KALRN: variants seen among roughly 807,000 people sequenced by gnomAD.
The protein encoded by KALRN is kalirin.
A neutral mutation model predicts 353.7 loss-of-function variants in KALRN; 70 were observed. The observed-to-expected ratio is 0.20, with a 90% CI of 0.16 to 0.24. The LOEUF (loss-of-function observed/expected upper bound fraction) is 0.24. Ranked by LOEUF, KALRN falls within the 10% of genes least tolerant of loss-of-function variation. KALRN has a pLI of 1.00. For missense variants in KALRN, 2,791 were observed against 3,756.7 expected, an observed-to-expected ratio of 0.74 and a Z score of 6.72; for synonymous variants, 1,391 against 1,434.8, an observed-to-expected ratio of 0.97 and a Z score of 0.69.
intron 15 of KALRN, among the ~76,000 whole-genome samples, chr3:124,425,605 A>C (rs2092977876): frequency 6.6e-6 from 1 of 152,178 alleles, no homozygotes; most frequent in South Asian, 2.1e-4. Context: ...GGTGGCAGGA[A>C]TGACCATCTG....
At chr3:124,446,742 A>G in intron 20 of KALRN, 21 bp from the exon 21 acceptor site, 1 of 1,613,630 alleles carries the variant, frequency 6.2e-7, no homozygotes, top group Non-Finnish European at 8.5e-7. Context: ...TGGGGACTGG[A>G]TGAGTTGTTT....
chr3:124,537,954 G>T (rs1046510716), intron 33 of KALRN, among the ~76,000 whole-genome samples: 2 of 152,204 alleles, frequency 1.3e-5, no homozygotes, highest in African/African-American at 4.8e-5. Context: ...AAAGGGTTTA[G>T]AAGAGGATAA....
intron 32 of KALRN, among the ~76,000 whole-genome samples, chr3:124,495,959 A>G (rs199503272): frequency 0.065 from 2,115 of 32,604 alleles, 128 homozygotes; most frequent in Non-Finnish European, 0.081. Context: ...GTGTATGTGT[A>G]TGTATGTATA....
chr3:124,545,731 C>T (rs2069558175), intron 33 of KALRN, among the ~76,000 whole-genome samples: 3 of 152,300 alleles, frequency 2.0e-5, no homozygotes, highest in South Asian at 4.1e-4. Context: ...TCAGCGTCCC[C>T]ATTAAGGAAG....
At chr3:124,239,528 A>G (rs974088820) in intron 3 of KALRN, among the ~76,000 whole-genome samples, 1 of 152,228 alleles carries the variant, frequency 6.6e-6, no homozygotes, top group Non-Finnish European at 1.5e-5. Context: ...GTGAGGAAAG[A>G]TAACAAGAAA....
chr3:124,461,744 A>G, intron 23 of KALRN, 146 bp from the exon 24 acceptor site: 2 of 623,192 alleles, frequency 3.2e-6, no homozygotes, highest in Non-Finnish European at 5.7e-6. Flanking sequence ...AAGGGAAGGA[A>G]TTTTGAAGAA....
At chr3:124,206,430 A>G (rs1822792) in intron 1 of KALRN, among the ~76,000 whole-genome samples, 15,455 of 152,190 alleles carry the variant, frequency 0.1, 1,246 homozygotes, top group East Asian at 0.42. Context: ...CCTAACTGCA[A>G]GGGCGGTTGG....
rs373473712 is a variant in KALRN at position 124,563,055 on chromosome 3, C to T, written c.5148C>T (p.Ser1716=). Residue 1716 remains serine (S), a synonymous_variant, in exon 34 of 60, where the codon AGC becomes AGT. Coordinates refer to ENST00000682506, the MANE Select transcript of KALRN (RefSeq NM_001388419.1). ...TGTGCATCTCACACTCCCGAAGCAG[C>T]GTGGAGATGGACTGCTTCTTCCCCT... ...SALCISHSRS[S]VEMDCFFPLV... The T allele has an allele frequency of 3.9e-5, 53 of 1,367,782 alleles. No individual in the cohort carries two copies. In the African/African-American group the frequency reaches 5.9e-4, roughly 15 times the overall value. The allele number at this position is 1,367,782 out of a possible 1,614,324, so 84.7% of individuals were successfully genotyped here. A position where few individuals can be genotyped will look rare whatever the true frequency, so the allele number is the denominator to read the frequency against.
chr3:124,356,312 C>CT (rs11433826), intron 10 of KALRN, among the ~76,000 whole-genome samples: 72,613 of 139,582 alleles, frequency 0.52, 19,975 homozygotes, highest in Middle Eastern at 0.71. Flanking sequence ...AGATTGTTCT[C>CT]TTTTTTTTTT....
chr3:124,403,877 C>T (rs982029669), intron 13 of KALRN, among the ~76,000 whole-genome samples: 14 of 152,080 alleles, frequency 9.2e-5, no homozygotes, highest in Middle Eastern at 6.3e-3. Flanking sequence ...GATAGAGGCT[C>T]CTAGTTTGCA....
At chr3:124,306,059 C>T (rs923772491) in intron 6 of KALRN, among the ~76,000 whole-genome samples, 2 of 152,014 alleles carry the variant, frequency 1.3e-5, no homozygotes, top group African/African-American at 2.4e-5. Flanking sequence ...CACAGAATAT[C>T]AGTAAAGACA....
At position 124,697,641 on chromosome 3, in the gene KALRN, C is replaced by G; in HGVS notation, c.7748C>G (p.Thr2583Ser). The G allele has an allele frequency of 6.2e-7, 1 of 1,612,022 alleles. No individual in the cohort carries two copies. The highest frequency in any genetic ancestry group is 8.5e-7 in the Non-Finnish European group (1 of 1,179,146). Residue 2583 changes from threonine to serine, a missense_variant, in exon 55 of 60, where the codon ACC becomes AGC. Thr to Ser is a moderately conservative substitution (Grantham distance 58). Around this residue, in one of 11 missense-constraint regions of KALRN, gnomAD observed 1,065 missense variants for 1,156.4 expected, o/e 0.92. Transcript: ENST00000682506. Reference protein sequence around the residue: ...NRPIAQERSCTSVILRWLPPS... With the variant: ...NRPIAQERSCSSVILRWLPPS... The stretch of plus-strand genomic sequence containing the variant: ...CCCATTGCCCAGGAGAGAAGCTGCA[C>G]CTCCGTGATTCTCCGCTGGCTGCCC...
At chr3:124,319,410 A>T (rs1401852488) in intron 6 of KALRN, among the ~76,000 whole-genome samples, 2 of 151,372 alleles carry the variant, frequency 1.3e-5, no homozygotes, top group East Asian at 3.9e-4. Context: ...CAACCTTTGC[A>T]CCTCAATAAA....
At chr3:124,183,459 G>A (rs1579080787) in intron 1 of KALRN, among the ~76,000 whole-genome samples, 1 of 152,110 alleles carries the variant, frequency 6.6e-6, no homozygotes, top group South Asian at 2.1e-4. Context: ...ACTATTGCAA[G>A]GTCAGCACCA....
rs138978118 is a variant in KALRN at position 124,226,468 on chromosome 3, A to G, written c.74-1522A>G. On this transcript the variant is annotated intron_variant, in intron 1 of 59. Coordinates refer to ENST00000682506, the MANE Select transcript of KALRN (RefSeq NM_001388419.1). ...CCTTGTAGCTGGTTCTCTGTCAGCTAGTAAAGAGAAACGACTGATGAATAA... is the reference window on the plus strand; with the variant it reads ...CCTTGTAGCTGGTTCTCTGTCAGCTGGTAAAGAGAAACGACTGATGAATAA... Among the ~76,000 whole-genome samples, 264 of 152,284 alleles carry G rather than the reference A, an allele frequency of 1.7e-3. No individual in the cohort carries two copies. The East Asian group carries it at 0.034, about 19-fold the overall frequency.
intron 1 of KALRN, among the ~76,000 whole-genome samples, chr3:124,182,866 G>A (rs888431953): frequency 1.3e-5 from 2 of 152,164 alleles, no homozygotes; most frequent in South Asian, 4.1e-4. Flanking sequence ...CTTCACATCT[G>A]TTCTTCCTCA....
intron 34 of KALRN, among the ~76,000 whole-genome samples, chr3:124,601,722 C>T (rs1364020080): frequency 6.6e-6 from 1 of 151,786 alleles, no homozygotes; most frequent in African/African-American, 2.4e-5. Context: ...AATATTCTGC[C>T]TTTTACGGCT....
intron 1 of KALRN, among the ~76,000 whole-genome samples, chr3:124,144,745 A>ACAGCAG (rs1181009279): frequency 6.6e-6 from 1 of 151,536 alleles, no homozygotes; most frequent in Non-Finnish European, 1.5e-5. Context: ...CAGCATTACC[A>ACAGCAG]CAGCAGCATC....
At chr3:124,562,342 T>C (rs531043751) in intron 33 of KALRN, among the ~76,000 whole-genome samples, 2 of 152,150 alleles carry the variant, frequency 1.3e-5, no homozygotes, top group East Asian at 3.9e-4. Context: ...TTCCCTATCA[T>C]CTAGTGAGAA....
Sources: allele counts gnomAD v4.1 joint callset (sites outside exome capture counted in the v4.1 genomes callset), GRCh38; gene constraint gnomAD v4.1.1; regional missense constraint gnomAD v4.1.1; transcripts MANE v1.5; gene names NCBI Gene and HGNC (gene_info 2026-07-23, HGNC 2026-07-21).